SLC41A3: variants seen among roughly 807,000 people sequenced by gnomAD.
SLC41A3 encodes the protein SLC41A1-like 2.
Under a neutral mutation model 45.4 loss-of-function variants are expected in SLC41A3, and 44 were observed. That is an observed-to-expected ratio of 0.97 (90% CI 0.76 to 1.25). The LOEUF (loss-of-function observed/expected upper bound fraction) is 1.25, where lower values mean the gene tolerates loss of function less well. Among genes scored for constraint, SLC41A3 ranks in the 50% most tolerant of loss-of-function variants. The probability of loss-of-function intolerance (pLI) is 0.00; values close to 1 mark genes in which losing one functional copy is unlikely to be tolerated. For synonymous variants in SLC41A3, 256 were observed against 252.4 expected, an observed-to-expected ratio of 1.01 and a Z score of -0.13; for missense variants, 550 against 600.6, an observed-to-expected ratio of 0.92 and a Z score of 0.88.
At chr3:126,008,342 AGTG>A (rs915851209) in intron 10 of SLC41A3, among the ~76,000 whole-genome samples, 4 of 151,972 alleles carry the variant, frequency 2.6e-5, no homozygotes, top group Admixed American at 2.6e-4. Flanking sequence ...TGCAGTGTGT[AGTG>A]TGTGTGGTGT....
intron 2 of SLC41A3, among the ~76,000 whole-genome samples, chr3:126,062,625 G>C (rs1347840895): frequency 6.6e-6 from 1 of 152,232 alleles, no homozygotes; most frequent in African/African-American, 2.4e-5. Context: ...GCGAGGCCTG[G>C]CACCTTGGTT....
chr3:126,027,576 C>A (rs939598233), intron 4 of SLC41A3, among the ~76,000 whole-genome samples: 1 of 152,108 alleles, frequency 6.6e-6, no homozygotes, highest in East Asian at 1.9e-4. Context: ...AAAAGTGGTA[C>A]TGAAGAGTGG....
At chr3:126,056,256 A>T (rs1943651381) in intron 2 of SLC41A3, 12 of 1,441,344 alleles carry the variant, frequency 8.3e-6, no homozygotes, top group Non-Finnish European at 1.1e-5. Flanking sequence ...CTGCCCTCCC[A>T]CTGTAGAGGC....
intron 3 of SLC41A3, among the ~76,000 whole-genome samples, chr3:126,049,105 C>A (rs1366845627): frequency 4.6e-5 from 7 of 151,232 alleles, no homozygotes; most frequent in Non-Finnish European, 8.8e-5. Context: ...TCAAGAATTA[C>A]ATTAATAGTT....
At chr3:126,033,790 A>C in intron 3 of SLC41A3, 112 bp from the exon 4 acceptor site, 3 of 1,155,782 alleles carry the variant, frequency 2.6e-6, no homozygotes, top group Non-Finnish European at 2.5e-6. Flanking sequence ...CCATTTCATC[A>C]GCGTCAGAAA....
chr3:126,031,962 C>A (rs144640316), intron 4 of SLC41A3, among the ~76,000 whole-genome samples: 6 of 152,290 alleles, frequency 3.9e-5, no homozygotes, highest in African/African-American at 1.4e-4. Context: ...TCAGGGCAGC[C>A]GCAGCAGCAT....
At chr3:126,088,843 A>C (rs576536466), upstream of SLC41A3, among the ~76,000 whole-genome samples, 1 of 152,368 alleles carries the variant, frequency 6.6e-6, no homozygotes, top group African/African-American at 2.4e-5. Flanking sequence ...ATGCTACAGA[A>C]ATTAAGAGCT....
At chr3:126,081,768 A>T (rs1180139241) in intron 1 of SLC41A3, among the ~76,000 whole-genome samples, 1 of 152,240 alleles carries the variant, frequency 6.6e-6, no homozygotes, top group East Asian at 1.9e-4. Flanking sequence ...GCAACTGGGC[A>T]GTGACCACTC....
chr3:126,064,019 AG>A (rs1944223578), intron 2 of SLC41A3, among the ~76,000 whole-genome samples: 1 of 147,716 alleles, frequency 6.8e-6, no homozygotes, highest in Non-Finnish European at 1.5e-5. Context: ...CCTGGACAAG[AG>A]CACCACATGG....
intron 1 of SLC41A3, chr3:126,073,278 A>C (rs910244788): frequency 1.3e-5 from 2 of 152,228 alleles, no homozygotes; most frequent in African/African-American, 4.8e-5. Context: ...CTCTACAAAA[A>C]ATACAAAAAT....
At chr3:126,007,599 AG>A (rs1939234946) in intron 10 of SLC41A3, among the ~76,000 whole-genome samples, 1 of 152,158 alleles carries the variant, frequency 6.6e-6, no homozygotes, top group African/African-American at 2.4e-5. Flanking sequence ...TAGGACAGTC[AG>A]CCCTTCCTGA....
intron 2 of SLC41A3, chr3:126,056,730 C>T (rs1395753899): frequency 3.6e-5 from 51 of 1,430,042 alleles, no homozygotes; most frequent in Non-Finnish European, 3.8e-5. Flanking sequence ...CGGCTGAGGG[C>T]CAGCACAGAT....
At chr3:126,028,183 G>A (rs1229085622) in intron 4 of SLC41A3, among the ~76,000 whole-genome samples, 1 of 152,202 alleles carries the variant, frequency 6.6e-6, no homozygotes, top group Non-Finnish European at 1.5e-5. Context: ...CAAGACAATA[G>A]GAAAAGGCCT....
chr3:126,010,484 T>C (rs938833708), intron 9 of SLC41A3, among the ~76,000 whole-genome samples: 6 of 152,014 alleles, frequency 3.9e-5, no homozygotes, highest in African/African-American at 1.5e-4. Context: ...AAAAAGAGAC[T>C]CCATAGAAGT....
chr3:126,071,213 C>T (rs1576355528), intron 1 of SLC41A3, among the ~76,000 whole-genome samples: 1 of 152,050 alleles, frequency 6.6e-6, no homozygotes, highest in African/African-American at 2.4e-5. Flanking sequence ...ATAAATATAC[C>T]ATGCAAACAA....
chr3:126,044,360 T>G (rs548595693), intron 3 of SLC41A3, among the ~76,000 whole-genome samples: 2 of 152,190 alleles, frequency 1.3e-5, no homozygotes, highest in African/African-American at 4.8e-5. Flanking sequence ...TCAATAATAG[T>G]TGGAGACTTC....
chr3:126,091,273 T>C (rs1395091466), intron 1 of SLC41A3, among the ~76,000 whole-genome samples: 1 of 152,172 alleles, frequency 6.6e-6, no homozygotes, highest in Non-Finnish European at 1.5e-5. Context: ...GTTAAAGACA[T>C]GCTCATGACA....
chr3:126,059,454 G>A (rs1378964784), intron 2 of SLC41A3, among the ~76,000 whole-genome samples: 1 of 151,956 alleles, frequency 6.6e-6, no homozygotes, highest in Non-Finnish European at 1.5e-5. Flanking sequence ...ATGAAGGAGT[G>A]CCCATTTGTT....
chr3:126,007,091 G>C lies in SLC41A3; in HGVS notation c.1389C>G (p.Cys463Trp). ...DLLGTGLLALCFFTDWLLKSK... is the reference protein window; with the variant it reads ...DLLGTGLLALWFFTDWLLKSK... The stretch of plus-strand genomic sequence containing the variant: ...TCTTCAGTAGCCAGTCAGTGAAAAA[G>C]CAGAGTGCCAGGAGGCCAGTACCGA... The change falls in exon 11 of 11, where the codon TGC (cysteine) becomes TGG (tryptophan). Residue 463 changes from cysteine (C) to tryptophan (W), a missense_variant. Cys to Trp is a radical substitution (Grantham distance 215, BLOSUM62 -2). Coordinates refer to ENST00000360370, the MANE Select transcript of SLC41A3 (RefSeq NM_017836.4). 6.2e-7 allele frequency: 1 copy of C among 1,614,188 alleles called. No homozygotes were observed. The highest frequency in any genetic ancestry group is 1.3e-5 in the African/African-American group (1 of 75,038).
Sources: gnomAD v4.1 joint callset for allele counts (sites outside exome capture counted in the v4.1 genomes callset) on GRCh38, gnomAD v4.1.1 for gene constraint, MANE v1.5 for transcripts, NCBI Gene and HGNC (gene_info 2026-07-23, HGNC 2026-07-21) for gene names.